Variants in P4HA1 observed in about 807,000 individuals in gnomAD.
The protein encoded by P4HA1 is prolyl 4-hydroxylase subunit alpha-1.
A neutral mutation model predicts 72.8 loss-of-function variants in P4HA1; 24 were observed. The ratio of observed to expected loss-of-function variants is 0.33; its 90% CI spans 0.24 to 0.46. The LOEUF is 0.46. Ranked by LOEUF, P4HA1 falls within the 20% of genes least tolerant of loss-of-function variation. The pLI, the probability that P4HA1 is intolerant of heterozygous loss-of-function variation, is 1.00. For missense variants in P4HA1, 446 were observed against 640.6 expected, an observed-to-expected ratio of 0.70 and a Z score of 3.28; for synonymous variants, 201 against 218.8, an observed-to-expected ratio of 0.92 and a Z score of 0.72.
In P4HA1 at chr10:73,007,959, T is replaced by A; in HGVS notation, c.*263A>T. 1 of 330,436 alleles carries A rather than the reference T, an allele frequency of 3.0e-6. No individual in the cohort carries two copies. Among genetic ancestry groups the A allele is most frequent in the Non-Finnish European group, 5.5e-6 (1 of 182,852 alleles). 20.5% of individuals were successfully genotyped at this position (330,436 alleles called of 1,614,324 possible). A position where few individuals can be genotyped will look rare whatever the true frequency, so the allele number is the denominator to read the frequency against. On this transcript the variant is annotated 3_prime_UTR_variant, in exon 15 of 15. Transcript: ENST00000394890. ...ATCCAACCAAAAAGTTCTTTAAATA[T>A]AAAATTCCTCACTTTAAACTCTGCC...
chr10:73,086,318 C>A (rs1841922692), intron 1 of P4HA1, among the ~76,000 whole-genome samples: 1 of 152,124 alleles, frequency 6.6e-6, no homozygotes, highest in African/African-American at 2.4e-5. Context: ...TGTGGTCTAT[C>A]CGTACAATGG....
chr10:73,027,594 T>TA (rs1330768195), intron 10 of P4HA1, among the ~76,000 whole-genome samples: 3,923 of 83,998 alleles, frequency 0.047, 257 homozygotes, highest in African/African-American at 0.17. Context: ...ACTTAAAGTA[T>TA]AAAAAAAAAA....
In P4HA1 at chr10:73,074,800, A is replaced by G. The variant is rs1841658037; in HGVS notation, c.76+8T>C. ...AACCAACAAAAAACAACAAGTAGTA[A>G]GACTTACCAATTGAAGTAAAAAAGC... is the stretch of plus-strand genomic sequence containing the variant. On this transcript the variant is annotated splice_region_variant and intron_variant, in intron 2 of 14. Coordinates refer to ENST00000394890, the MANE Select transcript of P4HA1 (RefSeq NM_001017962.3). The G allele has an allele frequency of 1.4e-6, 2 of 1,460,316 alleles. No individual in the cohort carries two copies. Among genetic ancestry groups the G allele is most frequent in the Admixed American group, 1.7e-5 (1 of 57,192 alleles). The allele number at this position is 1,460,316 out of a possible 1,614,324, so 90.5% of individuals were successfully genotyped here. A position where few individuals can be genotyped will look rare whatever the true frequency, so the allele number is the denominator to read the frequency against.
chr10:73,081,945 G>A (rs918961993), intron 1 of P4HA1, among the ~76,000 whole-genome samples: 2 of 152,188 alleles, frequency 1.3e-5, no homozygotes, highest in Non-Finnish European at 2.9e-5. Context: ...GAACCTGGGA[G>A]GTGGAGTTTA....
intron 9 of P4HA1, among the ~76,000 whole-genome samples, chr10:73,036,178 A>T (rs1589591835): frequency 7.1e-6 from 1 of 141,402 alleles, no homozygotes. Context: ...CAAGAGCAAA[A>T]CTCCGTCTCA....
rs565202062 is a variant in P4HA1, at chr10:73,010,988, G to A, written c.1418C>T (p.Ala473Val). ...GGATVFPEVG[A>V]SVWPKKGTAV... is the part of the protein sequence containing the mutation. ...GCTTACTTTTTTGGGCCAAACACTAGCTCCAACTTCAGGAAAAACAGTGGC... is the reference window on the plus strand; with the variant it reads ...GCTTACTTTTTTGGGCCAAACACTAACTCCAACTTCAGGAAAAACAGTGGC... Residue 473 changes from alanine to valine, a missense_variant, in exon 13 of 15, where the codon GCT becomes GTT. Coordinates refer to ENST00000394890, the MANE Select transcript of P4HA1 (RefSeq NM_001017962.3). The A allele has an allele frequency of 5.6e-6, 9 of 1,613,446 alleles. 1 individual carries two copies. The South Asian group carries it at 8.8e-5, about 16-fold the overall frequency.
rs201422276 is a variant in P4HA1, at chr10:73,051,104, C to G, written c.849G>C (p.Leu283=). ...PKKKGVAVDY[L]PERQKYEMLC... ...GCATTTCGTACTTCTGTCTCTCTGGCAGGTAATCCACAGCAACCCCTTTTT... is the reference window on the plus strand; with the variant it reads ...GCATTTCGTACTTCTGTCTCTCTGGGAGGTAATCCACAGCAACCCCTTTTT... Residue 283 remains leucine, a synonymous_variant, in exon 7 of 15, where the codon CTG becomes CTC. Coordinates refer to ENST00000394890, the MANE Select transcript of P4HA1 (RefSeq NM_001017962.3). 5.6e-6 allele frequency: 9 copies of G among 1,614,048 alleles called. No individual in the cohort carries two copies. The highest frequency in any genetic ancestry group is 1.3e-5 in the African/African-American group (1 of 74,928).
At chr10:73,028,794 C>T (rs1471118306) in intron 10 of P4HA1, among the ~76,000 whole-genome samples, 33 of 151,858 alleles carry the variant, frequency 2.2e-4, no homozygotes, top group Admixed American at 2.2e-3. Context: ...CCTGTAATCC[C>T]AACACTTTGG....
chr10:73,030,381 G>C lies in P4HA1; in HGVS notation c.1149-11C>G, dbSNP rs765827568. 7.0e-7 allele frequency: 1 copy of C among 1,421,912 alleles called. No individual in the cohort carries two copies. Among genetic ancestry groups the C allele is most frequent in the Admixed American group, 1.8e-5 (1 of 55,054 alleles). 88.1% of individuals were successfully genotyped at this position (1,421,912 alleles called of 1,614,324 possible). A position where few individuals can be genotyped will look rare whatever the true frequency, so the allele number is the denominator to read the frequency against. On this transcript the variant is annotated splice_polypyrimidine_tract_variant and intron_variant, in intron 9 of 14. Transcript: ENST00000394890. ...CCAGAGAGCCAGGCACTAAGAATAA[G>C]AGGAATATTAGTTTTATTGATAATG...
At chr10:73,089,913 C>G (rs182991214) in intron 1 of P4HA1, among the ~76,000 whole-genome samples, 1 of 152,260 alleles carries the variant, frequency 6.6e-6, no homozygotes, top group African/African-American at 2.4e-5. Flanking sequence ...CTTGGCTCAC[C>G]GCAGCCTTAA....
chr10:73,035,507 C>A (rs1840548687), intron 9 of P4HA1, among the ~76,000 whole-genome samples: 1 of 151,952 alleles, frequency 6.6e-6, no homozygotes, highest in South Asian at 2.1e-4. Flanking sequence ...CAGAATGAGA[C>A]CTCATCTCTT....
At chr10:73,024,767 G>A (rs1840225437) in intron 10 of P4HA1, among the ~76,000 whole-genome samples, 1 of 152,058 alleles carries the variant, frequency 6.6e-6, no homozygotes, top group South Asian at 2.1e-4. Flanking sequence ...GAAGAAAAGA[G>A]AGAATAATCA....
At chr10:73,086,982 A>C (rs1015017481) in intron 1 of P4HA1, among the ~76,000 whole-genome samples, 1 of 150,194 alleles carries the variant, frequency 6.7e-6, no homozygotes, top group African/African-American at 2.5e-5. Context: ...CTAAGTTCTC[A>C]TTTCACTTGG....
chr10:73,078,219 A>G lies in P4HA1; in HGVS notation c.-32-3304T>C, dbSNP rs192946314. Among the ~76,000 whole-genome samples the G allele has an allele frequency of 5.9e-5, 9 of 152,294 alleles. 1 individual carries two copies. The highest frequency in any genetic ancestry group is 5.9e-4 in the Admixed American group (9 of 15,292). ...TAGAACTTGGAACTCACAAAAAGGAAAAGTAGTTAGCTCAACAAAAAATGC... is the reference window on the plus strand; with the variant it reads ...TAGAACTTGGAACTCACAAAAAGGAGAAGTAGTTAGCTCAACAAAAAATGC... On this transcript the variant is annotated intron_variant, in intron 1 of 14. Coordinates refer to ENST00000394890, the MANE Select transcript of P4HA1 (RefSeq NM_001017962.3).
chr10:73,070,142 C>CTTTTTTTTTTTTTTTTTT (rs71021546), intron 4 of P4HA1, among the ~76,000 whole-genome samples: 1 of 64,468 alleles, frequency 1.6e-5, no homozygotes, highest in African/African-American at 6.3e-5. Context: ...GAGACCAGGC[C>CTTTTTTTTTTTTTTTTTT]TTTTTTTTTT....
chr10:73,058,145 G>C (rs1386703303), intron 5 of P4HA1, among the ~76,000 whole-genome samples: 1 of 150,704 alleles, frequency 6.6e-6, no homozygotes, highest in Admixed American at 6.6e-5. Context: ...CATTGATAGG[G>C]GTGAAACTAA....
At chr10:73,033,674 T>C (rs1840493531) in intron 9 of P4HA1, among the ~76,000 whole-genome samples, 1 of 152,226 alleles carries the variant, frequency 6.6e-6, no homozygotes, top group Non-Finnish European at 1.5e-5. Context: ...ACTGGTTATC[T>C]ACATGCAAAG....
intron 1 of P4HA1, among the ~76,000 whole-genome samples, chr10:73,084,985 A>T (rs28679854): frequency 6.6e-6 from 1 of 152,052 alleles, no homozygotes; most frequent in Admixed American, 6.6e-5. Flanking sequence ...ACAAAAAAAT[A>T]AAAAAATTAG....
At chr10:73,049,591 T>C (rs1056454997) in intron 7 of P4HA1, among the ~76,000 whole-genome samples, 2 of 152,254 alleles carry the variant, frequency 1.3e-5, no homozygotes, top group African/African-American at 4.8e-5. Context: ...TTTGTTCTTT[T>C]TGCTTTTGGC....
Sources: allele counts gnomAD v4.1 joint callset (sites outside exome capture counted in the v4.1 genomes callset), GRCh38; gene constraint gnomAD v4.1.1; transcripts MANE v1.5; gene names NCBI Gene and HGNC (gene_info 2026-07-23, HGNC 2026-07-21).